The following LDB2 variants were observed in gnomAD, a reference collection of about 807,000 sequenced individuals.
LDB2 encodes LIM domain binding 2.
In LDB2, 12 loss-of-function variants were observed where a neutral mutation model predicts 44.3. That is an observed-to-expected ratio of 0.27 (90% CI 0.17 to 0.44). LDB2 has a LOEUF of 0.44. LDB2 is among the 20% of genes least tolerant of loss of function. The pLI is 1.00. For missense variants in LDB2, 344 were observed against 473.5 expected (o/e 0.73, Z 2.54); for synonymous variants, 164 against 174.8 (o/e 0.94, Z 0.49).
intron 7 of LDB2, 74 bp downstream of exon 7, chr4:16,508,461 A>C: frequency 9.2e-7 from 1 of 1,088,784 alleles, no homozygotes; most frequent in Non-Finnish European, 1.2e-6. Flanking sequence ...TAATGAAAAG[A>C]GACTTTAATT....
chr4:16,551,806 C>T (rs916569288), intron 5 of LDB2, among the ~76,000 whole-genome samples: 28 of 152,128 alleles, frequency 1.8e-4, no homozygotes, highest in African/African-American at 3.9e-4. Flanking sequence ...TGTGAGCCGC[C>T]GCACCCGACC....
At chr4:16,873,431 G>C (rs1040572816) in intron 1 of LDB2, among the ~76,000 whole-genome samples, 1 of 152,136 alleles carries the variant, frequency 6.6e-6, no homozygotes, top group Non-Finnish European at 1.5e-5. Flanking sequence ...CTGGAAAAGA[G>C]AACCTGGCAT....
intron 5 of LDB2, among the ~76,000 whole-genome samples, chr4:16,579,357 T>A (rs1713319558): frequency 6.6e-6 from 1 of 152,112 alleles, no homozygotes; most frequent in African/African-American, 2.4e-5. Flanking sequence ...AAGAAGCATT[T>A]GTAACCTAGC....
intron 1 of LDB2, among the ~76,000 whole-genome samples, chr4:16,804,737 G>A (rs1778461412): frequency 6.6e-6 from 1 of 152,162 alleles, no homozygotes; most frequent in Non-Finnish European, 1.5e-5. Context: ...CATTTGGGAG[G>A]AGAGCTAGAT....
At chr4:16,571,891 A>G (rs1314515845) in intron 5 of LDB2, among the ~76,000 whole-genome samples, 1 of 152,240 alleles carries the variant, frequency 6.6e-6, no homozygotes, top group African/African-American at 2.4e-5. Flanking sequence ...CATTAGGTTC[A>G]TATGCCTTCT....
intron 2 of LDB2, among the ~76,000 whole-genome samples, chr4:16,603,407 C>T (rs922367225): frequency 2.0e-5 from 3 of 152,092 alleles, no homozygotes; most frequent in Non-Finnish European, 2.9e-5. Flanking sequence ...AGAGTGGTCC[C>T]GGCAGAAGCA....
intron 1 of LDB2, among the ~76,000 whole-genome samples, chr4:16,862,182 A>C (rs1712813958): frequency 6.6e-6 from 1 of 152,212 alleles, no homozygotes; most frequent in South Asian, 2.1e-4. Flanking sequence ...TAGTATACAG[A>C]AATAGAACTA....
intron 1 of LDB2, among the ~76,000 whole-genome samples, chr4:16,831,144 C>T (rs1783987928): frequency 6.7e-6 from 1 of 149,252 alleles, no homozygotes; most frequent in African/African-American, 2.5e-5. Context: ...TTCTAACCTG[C>T]ATGACCTTGG....
chr4:16,760,911 T>C (rs1254371461), intron 1 of LDB2, among the ~76,000 whole-genome samples: 1 of 152,194 alleles, frequency 6.6e-6, no homozygotes, highest in East Asian at 1.9e-4. Flanking sequence ...AGTTAACATT[T>C]ATTGAGTGTT....
intron 1 of LDB2, among the ~76,000 whole-genome samples, chr4:16,867,143 C>T (rs1196742212): frequency 1.3e-5 from 2 of 152,196 alleles, no homozygotes; most frequent in African/African-American, 4.8e-5. Flanking sequence ...GAGCCAACAT[C>T]AACTGCCAGA....
chr4:16,670,168 C>G (rs1744337316), intron 2 of LDB2, among the ~76,000 whole-genome samples: 1 of 152,194 alleles, frequency 6.6e-6, no homozygotes. Flanking sequence ...ACACTCGAAA[C>G]CTTTGTCAGG....
chr4:16,812,279 C>T (rs1237428509), intron 1 of LDB2, among the ~76,000 whole-genome samples: 24 of 152,134 alleles, frequency 1.6e-4, no homozygotes, highest in Non-Finnish European at 1.5e-5. Flanking sequence ...GGGTGAGTGA[C>T]AAGATATCAA....
chr4:16,581,357 C>A (rs187569294), intron 5 of LDB2: 2 of 943,312 alleles, frequency 2.1e-6, no homozygotes, highest in Admixed American at 1.2e-4. Flanking sequence ...TTCTCAGATA[C>A]ATACTGTTTA....
At chr4:16,792,339 T>G (rs1775937634) in intron 1 of LDB2, among the ~76,000 whole-genome samples, 1 of 152,228 alleles carries the variant, frequency 6.6e-6, no homozygotes, top group Non-Finnish European at 1.5e-5. Context: ...AAATATTCAA[T>G]CCTCATGACA....
At chr4:16,729,480 C>A (rs996294755) in intron 2 of LDB2, among the ~76,000 whole-genome samples, 1 of 152,158 alleles carries the variant, frequency 6.6e-6, no homozygotes, top group African/African-American at 2.4e-5. Flanking sequence ...CACACCGGCT[C>A]AGCCAGAGAG....
chr4:16,738,999 G>A (rs915414551), intron 2 of LDB2, among the ~76,000 whole-genome samples: 6 of 152,090 alleles, frequency 3.9e-5, no homozygotes, highest in Non-Finnish European at 8.8e-5. Context: ...TGTGATAGAA[G>A]AAGAAAATAA....
intron 1 of LDB2, among the ~76,000 whole-genome samples, chr4:16,823,130 A>T (rs1408131757): frequency 2.6e-5 from 4 of 152,208 alleles, no homozygotes; most frequent in Non-Finnish European, 5.9e-5. Context: ...GCTGAGCTCC[A>T]CGAGGTAAGA....
chr4:16,757,528 T>A (rs1382709947), intron 2 of LDB2, among the ~76,000 whole-genome samples: 1 of 152,208 alleles, frequency 6.6e-6, no homozygotes, highest in African/African-American at 2.4e-5. Context: ...ATTTTAATAC[T>A]GTAATTCTAG....
At chr4:16,847,146 A>C (rs2110152263) in intron 1 of LDB2, among the ~76,000 whole-genome samples, 1 of 152,338 alleles carries the variant, frequency 6.6e-6, no homozygotes, top group Middle Eastern at 3.4e-3. Flanking sequence ...TGGCAAGATA[A>C]AAACATTTCT....
Sources: allele counts gnomAD v4.1 joint callset (sites outside exome capture counted in the v4.1 genomes callset), GRCh38; gene constraint gnomAD v4.1.1; transcripts MANE v1.5; gene names NCBI Gene and HGNC (gene_info 2026-07-23, HGNC 2026-07-21).